The following NEGR1 variants were observed in gnomAD, a reference collection of about 807,000 sequenced individuals.
NEGR1 encodes neuronal growth regulator 1.
Under a neutral mutation model 40.9 loss-of-function variants are expected in NEGR1, and 10 were observed. The ratio of observed to expected loss-of-function variants is 0.24; its 90% CI spans 0.15 to 0.42. NEGR1 has a LOEUF of 0.42. NEGR1 is among the 10% of genes least tolerant of loss of function. The pLI is 1.00. For synonymous variants in NEGR1, 185 were observed against 166.8 expected (o/e 1.11, Z -0.84); for missense variants, 352 against 438.9 (o/e 0.80, Z 1.77).
chr1:72,028,777 C>A (rs906992245), intron 1 of NEGR1, among the ~76,000 whole-genome samples: 2 of 152,188 alleles, frequency 1.3e-5, no homozygotes, highest in Non-Finnish European at 2.9e-5. Context: ...TTCATATTCC[C>A]ACCATATCCT....
chr1:72,057,496 A>G (rs80207537), intron 1 of NEGR1, among the ~76,000 whole-genome samples: 2,864 of 151,470 alleles, frequency 0.019, 45 homozygotes, highest in Non-Finnish European at 0.029. Flanking sequence ...CAGAAAATAA[A>G]AGAAAAGAGA....
chr1:71,511,098 C>G (rs1279307725), intron 6 of NEGR1, among the ~76,000 whole-genome samples: 1 of 152,124 alleles, frequency 6.6e-6, no homozygotes, highest in Non-Finnish European at 1.5e-5. Flanking sequence ...TTAGAGGGTG[C>G]CTTGGAGAAG....
chr1:71,432,861 C>A (rs1409800634), intron 6 of NEGR1, among the ~76,000 whole-genome samples: 3 of 152,164 alleles, frequency 2.0e-5, no homozygotes, highest in African/African-American at 7.2e-5. Flanking sequence ...TTGGAAGAAT[C>A]CTCTGTGATT....
intron 4 of NEGR1, among the ~76,000 whole-genome samples, chr1:71,657,507 T>G (rs1166449322): frequency 6.6e-6 from 1 of 152,298 alleles, no homozygotes; most frequent in East Asian, 1.9e-4. Flanking sequence ...ACATTTAGTT[T>G]TTTTCTCATT....
At chr1:72,030,765 T>C (rs1646851170) in intron 1 of NEGR1, among the ~76,000 whole-genome samples, 1 of 152,148 alleles carries the variant, frequency 6.6e-6, no homozygotes, top group African/African-American at 2.4e-5. Context: ...TCATTAGGAT[T>C]AATGCCGGAT....
chr1:71,427,998 TCA>T (rs3050682), intron 6 of NEGR1, among the ~76,000 whole-genome samples: 11 of 150,022 alleles, frequency 7.3e-5, no homozygotes, highest in African/African-American at 1.2e-4. Flanking sequence ...GATAACACAC[TCA>T]CACACACACA....
At chr1:71,683,773 A>ATTTT (rs370689018) in intron 4 of NEGR1, among the ~76,000 whole-genome samples, 29 of 144,322 alleles carry the variant, frequency 2.0e-4, no homozygotes, top group South Asian at 4.4e-4. Flanking sequence ...GTTACTTAGG[A>ATTTT]TTTTTTTTTT....
At chr1:71,510,350 G>T (rs1647064566) in intron 6 of NEGR1, among the ~76,000 whole-genome samples, 1 of 152,134 alleles carries the variant, frequency 6.6e-6, no homozygotes, top group African/African-American at 2.4e-5. Context: ...AGTGATTCAA[G>T]AATCAAAAGG....
At chr1:71,729,252 AC>A (rs1654774930) in intron 3 of NEGR1, among the ~76,000 whole-genome samples, 1 of 152,078 alleles carries the variant, frequency 6.6e-6, no homozygotes. Context: ...TTCCAATAAC[AC>A]CTTCTCAATG....
intron 1 of NEGR1, among the ~76,000 whole-genome samples, chr1:72,201,678 G>T (rs563772630): frequency 3.5e-4 from 53 of 151,914 alleles, no homozygotes; most frequent in Admixed American, 9.2e-4. Context: ...GTGGTGGGGG[G>T]GGTGGAAGTG....
chr1:71,820,849 A>C (rs1000998399), intron 2 of NEGR1, among the ~76,000 whole-genome samples: 3 of 151,968 alleles, frequency 2.0e-5, no homozygotes, highest in African/African-American at 7.2e-5. Context: ...GATTTCACGA[A>C]TGTAGAGGTA....
intron 2 of NEGR1, chr1:71,794,409 A>T (rs1217218403): frequency 6.6e-6 from 1 of 152,190 alleles, no homozygotes. Flanking sequence ...TACAGCCTAG[A>T]ATAAAACTGG....
chr1:72,157,712 C>T (rs1651409535), intron 1 of NEGR1, among the ~76,000 whole-genome samples: 1 of 152,218 alleles, frequency 6.6e-6, no homozygotes, highest in South Asian at 2.1e-4. Flanking sequence ...ATACCCATAG[C>T]CACTGCTCAC....
chr1:71,894,217 TATAATA>T (rs569072701), intron 2 of NEGR1, among the ~76,000 whole-genome samples: 81 of 134,348 alleles, frequency 6.0e-4, no homozygotes, highest in Non-Finnish European at 1.1e-3. Context: ...AAACTTAAAG[TATAATA>T]ATAATAATAA....
At chr1:72,232,964 T>G (rs1276880025) in intron 1 of NEGR1, among the ~76,000 whole-genome samples, 5 of 152,148 alleles carry the variant, frequency 3.3e-5, no homozygotes, top group Admixed American at 6.5e-5. Flanking sequence ...AATAGCCAAC[T>G]GGCTAGAGAG....
chr1:71,959,383 GT>G (rs1646144906), intron 1 of NEGR1, among the ~76,000 whole-genome samples: 2 of 152,048 alleles, frequency 1.3e-5, no homozygotes, highest in African/African-American at 4.8e-5. Flanking sequence ...ATATTTCCTT[GT>G]TTTTTCTGGT....
At chr1:72,214,417 G>T (rs1217809864) in intron 1 of NEGR1, among the ~76,000 whole-genome samples, 2 of 152,106 alleles carry the variant, frequency 1.3e-5, no homozygotes, top group African/African-American at 4.8e-5. Context: ...AAGAGAGGAA[G>T]TCAAATTATC....
chr1:71,474,427 C>T lies in NEGR1; in HGVS notation c.941-66857G>A, dbSNP rs1264260570. 6.6e-5 allele frequency among the ~76,000 whole-genome samples: 10 copies of T among 150,622 alleles called. No individual in the cohort carries two copies. In the East Asian group the frequency reaches 1.6e-3, roughly 24 times the overall value. ...GTGGCTCACGCCTGTAATACCAGCA[C>T]TTTTGGGAGGTCGAGGTGGGTGGAT... On this transcript the variant is annotated intron_variant, in intron 6 of 6. Coordinates refer to ENST00000357731, the MANE Select transcript of NEGR1 (RefSeq NM_173808.3).
chr1:71,973,879 T>A (rs1557463117), intron 1 of NEGR1, among the ~76,000 whole-genome samples: 1 of 152,252 alleles, frequency 6.6e-6, no homozygotes, highest in Non-Finnish European at 1.5e-5. Context: ...GCTTCCTTTT[T>A]TTCATTTATT....
Sources: gnomAD v4.1 joint callset for allele counts (sites outside exome capture counted in the v4.1 genomes callset) on GRCh38, gnomAD v4.1.1 for gene constraint, MANE v1.5 for transcripts, NCBI Gene and HGNC (gene_info 2026-07-23, HGNC 2026-07-21) for gene names.